PDZD2: variants seen among roughly 807,000 people sequenced by gnomAD.
PDZD2 encodes PDZ domain containing 2, also known as PDZ domain-containing protein 2.
In PDZD2, 90 loss-of-function variants were observed where a neutral mutation model predicts 220.7. That is an observed-to-expected ratio of 0.41 (90% confidence interval 0.34 to 0.49). PDZD2 has a LOEUF of 0.49. PDZD2 is among the 20% of genes least tolerant of loss of function. PDZD2 has a pLI of 0.28. For synonymous variants in PDZD2, 1,375 were observed against 1,450.5 expected (o/e 0.95, Z 1.18); for missense variants, 3,174 against 3,608.5 (o/e 0.88, Z 3.08).
chr5:31,705,928 G>A (rs551628062), intron 1 of PDZD2, among the ~76,000 whole-genome samples: 1 of 152,306 alleles, frequency 6.6e-6, no homozygotes, highest in Admixed American at 6.5e-5. Flanking sequence ...GTGGGTGCCT[G>A]TAATCCCAGG....
At chr5:31,774,989 G>A (rs542913483) in intron 1 of PDZD2, among the ~76,000 whole-genome samples, 6 of 152,168 alleles carry the variant, frequency 3.9e-5, no homozygotes, top group Non-Finnish European at 8.8e-5. Context: ...TGGTTTCAAA[G>A]TATCAACATG....
chr5:31,689,353 A>ATTTTTTTTTTCTTT (rs1164776534), intron 1 of PDZD2, among the ~76,000 whole-genome samples: 14 of 35,038 alleles, frequency 4.0e-4, no homozygotes, highest in Admixed American at 5.1e-4. Context: ...ATATATATAT[A>ATTTTTTTTTTCTTT]TTTTTTTTTT....
intron 6 of PDZD2, among the ~76,000 whole-genome samples, chr5:32,028,195 C>A (rs910413932): frequency 6.6e-6 from 1 of 152,178 alleles, no homozygotes; most frequent in Non-Finnish European, 1.5e-5. Context: ...CGTAAGGCTG[C>A]AAGAGCTGGC....
chr5:31,956,025 T>C (rs2111651895), intron 2 of PDZD2, among the ~76,000 whole-genome samples: 1 of 152,268 alleles, frequency 6.6e-6, no homozygotes, highest in South Asian at 2.1e-4. Flanking sequence ...TTGTTAAGAC[T>C]TCCTTTGTAG....
chr5:31,743,177 C>A (rs949889178), intron 1 of PDZD2, among the ~76,000 whole-genome samples: 1 of 142,902 alleles, frequency 7.0e-6, no homozygotes, highest in Non-Finnish European at 1.5e-5. Flanking sequence ...ATTCTTTTTT[C>A]TTTTTTTTTT....
chr5:32,079,611 A>G (rs1741712316), intron 19 of PDZD2, among the ~76,000 whole-genome samples: 1 of 151,954 alleles, frequency 6.6e-6, no homozygotes, highest in Non-Finnish European at 1.5e-5. Flanking sequence ...GTTCGAGACC[A>G]GCCTGGCCAA....
chr5:31,930,022 C>A (rs993110655), intron 2 of PDZD2, among the ~76,000 whole-genome samples: 1 of 152,006 alleles, frequency 6.6e-6, no homozygotes, highest in Non-Finnish European at 1.5e-5. Context: ...TAGCTCTCCT[C>A]GTGCCATGTG....
chr5:31,974,769 T>C (rs948184142), intron 2 of PDZD2, among the ~76,000 whole-genome samples: 8 of 152,178 alleles, frequency 5.3e-5, no homozygotes, highest in Non-Finnish European at 1.2e-4. Flanking sequence ...AACTATGTGG[T>C]GTCTGGGTGC....
At position 31,850,053 on chromosome 5, in the gene PDZD2, TGTATATATAA is replaced by T. The variant is rs1456561809; in HGVS notation, c.476+50339_476+50348del. Among the ~76,000 whole-genome samples, 55 of 137,726 alleles carry T rather than the reference TGTATATATAA, an allele frequency of 4.0e-4. 2 individuals are homozygous for T. Among genetic ancestry groups the T allele is most frequent in the African/African-American group, 1.3e-3 (50 of 37,470 alleles). The allele number at this position is 137,726 out of a possible 152,430, so 90.4% of individuals were successfully genotyped here. On this transcript the variant is annotated intron_variant, in intron 2 of 24. Coordinates refer to ENST00000438447, the MANE Select transcript of PDZD2 (RefSeq NM_178140.4). The stretch of plus-strand genomic sequence containing the variant: ...ATATATACACGTATATATATATACG[TGTATATATAA>T]GTATATATATGTGTATATATAAGTA...
At chr5:32,099,383 ATAAGGG>A (rs1744043757) in intron 23 of PDZD2, 2 of 152,398 alleles carry the variant, frequency 1.3e-5, no homozygotes, top group East Asian at 3.9e-4. Context: ...TCTCTCCCTG[ATAAGGG>A]TAGCTGGATT....
chr5:31,745,792 C>G lies in PDZD2; in HGVS notation c.-360-53097C>G, dbSNP rs1360326445. ...CTTGTCATTTTGTGGTAAGGTGTTT[C>G]CTAACTCATGTAAATGATTTTTTTT... On this transcript the variant is annotated intron_variant, in intron 1 of 24. Coordinates refer to ENST00000438447, the MANE Select transcript of PDZD2 (RefSeq NM_178140.4). Among the ~76,000 whole-genome samples the G allele has an allele frequency of 2.0e-5, 3 of 146,928 alleles. No homozygotes were observed. In the East Asian group the frequency reaches 6.1e-4, roughly 30 times the overall value.
Position 31,715,287 on chromosome 5 carries a change from G to C in PDZD2, c.-361+75850G>C, listed in dbSNP as rs114292741. On this transcript the variant is annotated intron_variant, in intron 1 of 24. Coordinates refer to ENST00000438447, the MANE Select transcript of PDZD2 (RefSeq NM_178140.4). ...AAACTAATTCTTCAAGATTAGATTG[G>C]TTCTTCCCTGGAGACAAACACACAT... Among the ~76,000 whole-genome samples the C allele has an allele frequency of 2.2e-3, 339 of 152,210 alleles. 1 individual carries two copies. The highest frequency in any genetic ancestry group is 0.02 in the Middle Eastern group (6 of 294).
At position 32,000,347 on chromosome 5, in the gene PDZD2, C is replaced by T; in HGVS notation, c.1254+76C>T. 7.0e-7 allele frequency: 1 copy of T among 1,421,930 alleles called. No homozygotes were observed. The highest frequency in any genetic ancestry group is 2.3e-5 in the East Asian group (1 of 43,846). 88.1% of individuals were successfully genotyped at this position (1,421,930 alleles called of 1,614,324 possible). On this transcript the variant is annotated intron_variant, in intron 5 of 24. Transcript: ENST00000438447. This position sits in a 1 kb window ranked among gnomAD's most constrained non-coding sequence, Gnocchi z 4.5. ...GGGTTGAGCCCCACCTCCCATGCCA[C>T]ACACACACACAAAGACATGTGTGCA...
At chr5:31,894,824 A>G (rs896862701) in intron 2 of PDZD2, among the ~76,000 whole-genome samples, 10 of 152,196 alleles carry the variant, frequency 6.6e-5, no homozygotes, top group African/African-American at 2.4e-4. Context: ...AGTGCTAGAC[A>G]GTTATTCTGG....
intron 6 of PDZD2, among the ~76,000 whole-genome samples, chr5:32,011,786 G>A (rs148226653): frequency 5.6e-4 from 85 of 152,298 alleles, no homozygotes; most frequent in African/African-American, 2.0e-3. Flanking sequence ...AGGGGGAAAA[G>A]TTGCTTTTCG....
At chr5:31,779,541 C>T (rs1476109169) in intron 1 of PDZD2, among the ~76,000 whole-genome samples, 1 of 151,550 alleles carries the variant, frequency 6.6e-6, no homozygotes, top group Non-Finnish European at 1.5e-5. Flanking sequence ...GCCCGGCTAA[C>T]TTTTTGTATT....
intron 1 of PDZD2, among the ~76,000 whole-genome samples, chr5:31,731,266 GGCA>G (rs1397912617): frequency 1.3e-5 from 2 of 152,296 alleles, no homozygotes; most frequent in East Asian, 3.9e-4. Context: ...ATATTTACCA[GGCA>G]ACCATGGTAC....
At chr5:31,782,750 A>G (rs1193069154) in intron 1 of PDZD2, among the ~76,000 whole-genome samples, 2 of 118,578 alleles carry the variant, frequency 1.7e-5, no homozygotes, top group Non-Finnish European at 1.6e-5. Flanking sequence ...GTGTTGCGCT[A>G]TCACCCAGGC....
intron 2 of PDZD2, among the ~76,000 whole-genome samples, chr5:31,914,313 C>T (rs950794459): frequency 1.3e-5 from 2 of 152,146 alleles, no homozygotes; most frequent in Admixed American, 6.5e-5. Context: ...GGGTGGATCA[C>T]GAGGTCAGGA....
Sources: gnomAD v4.1 joint callset for allele counts (sites outside exome capture counted in the v4.1 genomes callset) on GRCh38, gnomAD v4.1.1 for gene constraint, Gnocchi (gnomAD v3.1) non-coding constraint, MANE v1.5 for transcripts, NCBI Gene and HGNC (gene_info 2026-07-23, HGNC 2026-07-21) for gene names.